The following PRMT3 variants were observed in gnomAD, a reference collection of about 807,000 sequenced individuals.
PRMT3 encodes the protein protein arginine N-methyltransferase 3.
In PRMT3, 62 loss-of-function variants were observed where a neutral mutation model predicts 71.9. That is an observed-to-expected ratio of 0.86 (90% CI 0.70 to 1.07). The LOEUF (loss-of-function observed/expected upper bound fraction) is 1.07, where lower values mean the gene tolerates loss of function less well. Ranked by LOEUF, PRMT3 falls within the 50% of genes least tolerant of loss-of-function variation. The pLI is 0.00. For synonymous variants in PRMT3, 213 were observed against 220.4 expected (o/e 0.97, Z 0.30); for missense variants, 663 against 643.0 (o/e 1.03, Z -0.34).
At chr11:20,442,989 T>C (rs1849943464) in intron 10 of PRMT3, among the ~76,000 whole-genome samples, 1 of 152,148 alleles carries the variant, frequency 6.6e-6, no homozygotes, top group Admixed American at 6.5e-5. Flanking sequence ...TTGAGGCCAG[T>C]TCTGGAGGGA....
intron 13 of PRMT3, among the ~76,000 whole-genome samples, chr11:20,469,768 A>G (rs1850598485): frequency 6.6e-6 from 1 of 152,130 alleles, no homozygotes; most frequent in African/African-American, 2.4e-5. Context: ...TTTATTTGAT[A>G]TATCATCTCT....
chr11:20,396,207 C>G (rs1039678574), intron 6 of PRMT3, among the ~76,000 whole-genome samples: 2 of 152,036 alleles, frequency 1.3e-5, no homozygotes, highest in Non-Finnish European at 2.9e-5. Flanking sequence ...TGTTTTTGTT[C>G]TTTATTGCCT....
At chr11:20,413,122 A>G (rs943323971) in intron 9 of PRMT3, among the ~76,000 whole-genome samples, 1 of 152,190 alleles carries the variant, frequency 6.6e-6, no homozygotes, top group Non-Finnish European at 1.5e-5. Context: ...ATAAGCCAAC[A>G]TTGTACTGTT....
intron 5 of PRMT3, among the ~76,000 whole-genome samples, chr11:20,394,167 G>A (rs149948896): frequency 5.9e-5 from 9 of 152,186 alleles, no homozygotes; most frequent in Admixed American, 5.9e-4. Context: ...ATTTCTTCCA[G>A]TGCTATCCTG....
At position 20,493,922 on chromosome 11, in the gene PRMT3, A is replaced by AT; in HGVS notation, c.1353dup (p.Ala452CysfsTer5). 6.3e-7 allele frequency: 1 copy of AT among 1,581,998 alleles called. No homozygotes were observed. The highest frequency in any genetic ancestry group is 8.6e-7 in the Non-Finnish European group (1 of 1,157,720). ...TATTTCTTTTTTTAAAAAACAGGCA[A>AT]TTGCTGGCTACTTTGATATATATTT... On this transcript the variant is annotated frameshift_variant, in exon 14 of 16. Coordinates refer to ENST00000331079, the MANE Select transcript of PRMT3 (RefSeq NM_005788.4). LOFTEE classifies it high-confidence loss of function.
chr11:20,396,532 G>C (rs1262516695), intron 6 of PRMT3, among the ~76,000 whole-genome samples: 1 of 152,092 alleles, frequency 6.6e-6, no homozygotes, highest in Non-Finnish European at 1.5e-5. Context: ...CAGCTACCTG[G>C]GAGGCTGAGA....
intron 15 of PRMT3, among the ~76,000 whole-genome samples, chr11:20,503,501 A>G (rs1184184532): frequency 6.6e-6 from 1 of 152,148 alleles, no homozygotes; most frequent in East Asian, 1.9e-4. Context: ...AATTCCCTGT[A>G]TGGTCAGTCC....
At chr11:20,492,969 G>A (rs145017303) in intron 13 of PRMT3, among the ~76,000 whole-genome samples, 178 of 151,886 alleles carry the variant, frequency 1.2e-3, no homozygotes, top group African/African-American at 4.1e-3. Context: ...TGACCAACAC[G>A]GTGAAACCCC....
intron 10 of PRMT3, among the ~76,000 whole-genome samples, chr11:20,427,611 G>C (rs1849574719): frequency 6.6e-6 from 1 of 152,046 alleles, no homozygotes; most frequent in African/African-American, 2.4e-5. Flanking sequence ...TGTAATCCCA[G>C]CCACTTGGGA....
At chr11:20,474,658 C>G (rs1376076139) in intron 13 of PRMT3, among the ~76,000 whole-genome samples, 1 of 152,242 alleles carries the variant, frequency 6.6e-6, no homozygotes, top group Non-Finnish European at 1.5e-5. Context: ...CACAATCACT[C>G]ACTGCTTCCC....
intron 2 of PRMT3, 62 bp downstream of exon 2, chr11:20,388,216 C>T: frequency 5.6e-6 from 9 of 1,602,484 alleles, no homozygotes; most frequent in Non-Finnish European, 6.8e-6. Context: ...GGTCTGTGTG[C>T]CCAGGAACGC....
intron 15 of PRMT3, among the ~76,000 whole-genome samples, chr11:20,499,616 G>T (rs1851411767): frequency 6.6e-6 from 1 of 151,988 alleles, no homozygotes; most frequent in Non-Finnish European, 1.5e-5. Context: ...GCAGAGCAAG[G>T]TCCTATTTCT....
Position 20,387,909 on chromosome 11 carries a change from TGAGGGCCGCGGGCGAACGGGGCGGAGGA to T in PRMT3, c.29-106_29-79del. The T allele has an allele frequency of 6.4e-7, 1 of 1,566,436 alleles. No individual in the cohort carries two copies. The highest frequency in any genetic ancestry group is 8.7e-7 in the Non-Finnish European group (1 of 1,154,926). On this transcript the variant is annotated intron_variant, in intron 1 of 15. Coordinates refer to ENST00000331079, the MANE Select transcript of PRMT3 (RefSeq NM_005788.4). This position sits in a 1 kb window ranked among gnomAD's most constrained non-coding sequence, Gnocchi z 4.3. Reference sequence around the variant, plus strand: ...CAGGGATCATGAAGGAGGTGCTGAGTGAGGGCCGCGGGCGAACGGGGCGGAGGAGAGCCCATCGTCACCTGCTCCTCGA... The same window carrying T: ...CAGGGATCATGAAGGAGGTGCTGAGTGAGCCCATCGTCACCTGCTCCTCGA...
intron 7 of PRMT3, among the ~76,000 whole-genome samples, chr11:20,398,717 C>T (rs569373903): frequency 3.3e-5 from 5 of 152,336 alleles, no homozygotes; most frequent in African/African-American, 1.2e-4. Flanking sequence ...ACAAATACCA[C>T]TGTGTTACAG....
chr11:20,477,561 A>AG (rs1318691672), intron 13 of PRMT3, among the ~76,000 whole-genome samples: 1 of 151,948 alleles, frequency 6.6e-6, no homozygotes, highest in Non-Finnish European at 1.5e-5. Context: ...GTCTCAAAAA[A>AG]AAAAGAGTTG....
At chr11:20,441,455 G>A (rs1468952567) in intron 10 of PRMT3, among the ~76,000 whole-genome samples, 5 of 151,730 alleles carry the variant, frequency 3.3e-5, no homozygotes, top group Non-Finnish European at 5.9e-5. Context: ...ATAGGCACCC[G>A]CCACCATGCC....
intron 13 of PRMT3, among the ~76,000 whole-genome samples, chr11:20,473,964 C>A (rs1230017647): frequency 6.6e-6 from 1 of 152,080 alleles, no homozygotes; most frequent in Non-Finnish European, 1.5e-5. Context: ...CCATTCCAGA[C>A]CCTAGTTGCC....
At chr11:20,441,445 A>G (rs990066302) in intron 10 of PRMT3, among the ~76,000 whole-genome samples, 31 of 151,974 alleles carry the variant, frequency 2.0e-4, no homozygotes, top group African/African-American at 6.7e-4. Flanking sequence ...AGCTGGGACT[A>G]TAGGCACCCG....
At chr11:20,458,107 TTTC>T (rs1419280159) in intron 11 of PRMT3, among the ~76,000 whole-genome samples, 5 of 152,154 alleles carry the variant, frequency 3.3e-5, no homozygotes. Flanking sequence ...TCTAGTACAT[TTTC>T]TTTTATGCAT....
Sources: allele counts gnomAD v4.1 joint callset (sites outside exome capture counted in the v4.1 genomes callset), GRCh38; gene constraint gnomAD v4.1.1; non-coding constraint Gnocchi (gnomAD v3.1); transcripts MANE v1.5; gene names NCBI Gene and HGNC (gene_info 2026-07-23, HGNC 2026-07-21).